Variants in MELK observed in about 807,000 individuals in gnomAD.
The protein encoded by MELK is maternal embryonic leucine zipper kinase.
MELK carries 81 observed loss-of-function variants against 85.0 expected under a neutral mutation model. The observed-to-expected ratio is 0.95, with a 90% CI of 0.80 to 1.15. The LOEUF (loss-of-function observed/expected upper bound fraction) is 1.15, where lower values mean the gene tolerates loss of function less well. Among genes scored for constraint, MELK ranks in the 50% most tolerant of loss-of-function variants. MELK has a pLI of 0.00. For synonymous variants in MELK, 252 were observed against 265.0 expected, an observed-to-expected ratio of 0.95 and a Z score of 0.48; for missense variants, 754 against 777.5, an observed-to-expected ratio of 0.97 and a Z score of 0.36.
At position 36,599,448 on chromosome 9, in the gene MELK, C is replaced by G; in HGVS notation, c.529C>G (p.Pro177Ala). 1 of 1,613,490 alleles carries G rather than the reference C, an allele frequency of 6.2e-7. No homozygotes were observed. The highest frequency in any genetic ancestry group is 1.6e-4 in the Middle Eastern group (1 of 6,062). The change falls in exon 7 of 18, where the codon CCT becomes GCT. Residue 177 changes from proline to alanine, a missense_variant. Physicochemically the swap from Pro to Ala is conservative, Grantham distance 27. Coordinates refer to ENST00000298048, the MANE Select transcript of MELK (RefSeq NM_014791.4). ...CTGTGGGAGTCTGGCTTATGCAGCACCTGAGTTAATACAAGGCAAATCATA... is the reference window on the plus strand; with the variant it reads ...CTGTGGGAGTCTGGCTTATGCAGCAGCTGAGTTAATACAAGGCAAATCATA... ...TCCGSLAYAAPELIQGKSYLG... is the reference protein window; with the variant it reads ...TCCGSLAYAAAELIQGKSYLG...
Position 36,615,334 on chromosome 9 carries a change from C to T in MELK, c.666+7661C>T, listed in dbSNP as rs550103924. 4.7e-5 allele frequency among the ~76,000 whole-genome samples: 6 copies of T among 126,952 alleles called. No homozygotes were observed. In the South Asian group the frequency reaches 7.6e-4, roughly 16 times the overall value. The allele number at this position is 126,952 out of a possible 152,430, so 83.3% of individuals were successfully genotyped here. ...CTCCCTCCCGGATGGGGCGGCTGGC[C>T]GGGCGGGGGGCTGACCCCCCCACCT... On this transcript the variant is annotated intron_variant, in intron 8 of 17. Transcript: ENST00000298048.
At chr9:36,640,403 G>A (rs945535755) in intron 10 of MELK, among the ~76,000 whole-genome samples, 12 of 152,262 alleles carry the variant, frequency 7.9e-5, no homozygotes, top group African/African-American at 2.9e-4. Context: ...ACGGGAGAAA[G>A]GGGAAAGGCC....
At chr9:36,672,217 T>C (rs1186280268) in intron 16 of MELK, among the ~76,000 whole-genome samples, 1 of 152,212 alleles carries the variant, frequency 6.6e-6, no homozygotes, top group African/African-American at 2.4e-5. Flanking sequence ...CTTGAACTTT[T>C]GTAGTGTGCT....
At chr9:36,653,318 T>G (rs1830895694) in intron 12 of MELK, among the ~76,000 whole-genome samples, 1 of 152,096 alleles carries the variant, frequency 6.6e-6, no homozygotes, top group Non-Finnish European at 1.5e-5. Context: ...GGCTAATTTT[T>G]AATTTTCTAT....
At chr9:36,589,502 T>C in intron 3 of MELK, 34 bp from the exon 4 acceptor site, 1 of 1,528,312 alleles carries the variant, frequency 6.5e-7, no homozygotes, top group South Asian at 1.1e-5. Context: ...CCTGAATAAG[T>C]TTATTGCTCA....
chr9:36,626,189 C>G (rs1409615634), intron 8 of MELK, among the ~76,000 whole-genome samples: 2 of 152,080 alleles, frequency 1.3e-5, no homozygotes, highest in African/African-American at 4.8e-5. Context: ...AAGAGCCCAC[C>G]AAGAGTTTTG....
chr9:36,609,335 A>G (rs1471898534), intron 8 of MELK, among the ~76,000 whole-genome samples: 1 of 152,198 alleles, frequency 6.6e-6, no homozygotes, highest in African/African-American at 2.4e-5. Flanking sequence ...TTTCAAAGCA[A>G]ACTAACAAAA....
At chr9:36,665,800 A>G (rs1832285177) in intron 14 of MELK, among the ~76,000 whole-genome samples, 1 of 152,220 alleles carries the variant, frequency 6.6e-6, no homozygotes, top group Non-Finnish European at 1.5e-5. Flanking sequence ...TTTCACGTTT[A>G]TAAAATTGAA....
At chr9:36,629,084 C>G (rs920794768) in intron 8 of MELK, among the ~76,000 whole-genome samples, 10 of 151,956 alleles carry the variant, frequency 6.6e-5, no homozygotes, top group Non-Finnish European at 1.0e-4. Context: ...CCAGGATGGT[C>G]TTGAACTCCT....
intron 11 of MELK, among the ~76,000 whole-genome samples, chr9:36,645,448 A>G (rs557295695): frequency 6.0e-4 from 92 of 152,234 alleles, no homozygotes; most frequent in Non-Finnish European, 1.1e-3. Context: ...TCCTGGTGTT[A>G]CAGTTCTCTA....
chr9:36,657,237 G>A lies in MELK; in HGVS notation c.1054-4G>A. The A allele has an allele frequency of 1.2e-6, 2 of 1,608,010 alleles. No homozygotes were observed. Among genetic ancestry groups the A allele is most frequent in the Non-Finnish European group, 1.7e-6 (2 of 1,178,404 alleles). On this transcript the variant is annotated splice_polypyrimidine_tract_variant and splice_region_variant and intron_variant, in intron 12 of 17. Transcript: ENST00000298048. ...TTTAAGTTCTTCTGTCTTTCATTGA[G>A]TAGTCAAATAATTGGAGTCTGGAAG...
chr9:36,668,183 A>G (rs1832561486), intron 14 of MELK, among the ~76,000 whole-genome samples: 1 of 152,218 alleles, frequency 6.6e-6, no homozygotes. Flanking sequence ...CTGTATGGTG[A>G]TAGATACTGT....
At chr9:36,617,359 G>T (rs1032697323) in intron 8 of MELK, among the ~76,000 whole-genome samples, 14 of 151,214 alleles carry the variant, frequency 9.3e-5, no homozygotes, top group African/African-American at 3.2e-4. Flanking sequence ...TAGAGACAGG[G>T]TCTTGCTCTG....
chr9:36,671,112 G>C lies in MELK; in HGVS notation c.1620G>C (p.Val540=), dbSNP rs778604036. The C allele has an allele frequency of 6.2e-7, 1 of 1,611,834 alleles. No homozygotes were observed. Among genetic ancestry groups the C allele is most frequent in the Non-Finnish European group, 8.5e-7 (1 of 1,178,940 alleles). ...GGGGGTTGGATAAGGTTATCACTGT[G>C]CTCACCAGGAGCAAAAGGAAGGGTT... ...LERGLDKVIT[V]LTRSKRKGSA... is the part of the protein sequence containing the mutation. Residue 540 remains valine, a synonymous_variant, in exon 16 of 18, where the codon GTG becomes GTC. Transcript: ENST00000298048.
At chr9:36,619,021 C>T (rs910250176) in intron 8 of MELK, among the ~76,000 whole-genome samples, 5 of 150,252 alleles carry the variant, frequency 3.3e-5, no homozygotes, top group South Asian at 2.1e-4. Flanking sequence ...TGCAGTGGCA[C>T]GATCTCAGCT....
intron 12 of MELK, among the ~76,000 whole-genome samples, chr9:36,656,252 G>T (rs901533396): frequency 3.3e-5 from 5 of 152,136 alleles, no homozygotes; most frequent in Non-Finnish European, 5.9e-5. Flanking sequence ...CCTATATTTC[G>T]AAGTTGTTTC....
At chr9:36,602,390 T>C (rs1825016145) in intron 7 of MELK, among the ~76,000 whole-genome samples, 1 of 146,100 alleles carries the variant, frequency 6.8e-6, no homozygotes, top group South Asian at 2.1e-4. Flanking sequence ...ACTTGGGGGT[T>C]GAGGCAGGAG....
intron 2 of MELK, among the ~76,000 whole-genome samples, chr9:36,582,170 G>T (rs11792820): frequency 6.6e-6 from 1 of 151,840 alleles, no homozygotes; most frequent in Admixed American, 6.6e-5. Flanking sequence ...GGGTTTCACC[G>T]TGTTAATCAG....
At chr9:36,626,128 C>T (rs2136330466) in intron 8 of MELK, among the ~76,000 whole-genome samples, 1 of 152,200 alleles carries the variant, frequency 6.6e-6, no homozygotes, top group East Asian at 1.9e-4. Context: ...CTAGGTTATA[C>T]ACTAAAAGCT....
Sources: allele counts gnomAD v4.1 joint callset (sites outside exome capture counted in the v4.1 genomes callset), GRCh38; gene constraint gnomAD v4.1.1; transcripts MANE v1.5; gene names NCBI Gene and HGNC (gene_info 2026-07-23, HGNC 2026-07-21).